Variants in MIDEAS observed in about 807,000 individuals in gnomAD.
MIDEAS encodes the protein mitotic deacetylase associated SANT domain protein.
Under a neutral mutation model 102.7 loss-of-function variants are expected in MIDEAS, and 26 were observed. That is an observed-to-expected ratio of 0.25 (90% confidence interval 0.19 to 0.35). MIDEAS has a LOEUF of 0.35. Among genes scored for constraint, MIDEAS ranks in the 10% least tolerant of loss-of-function variants. The pLI, the probability that MIDEAS is intolerant of heterozygous loss-of-function variation, is 1.00. For synonymous variants in MIDEAS, 585 were observed against 591.0 expected, an observed-to-expected ratio of 0.99 and a Z score of 0.15; for missense variants, 1,231 against 1,435.6, an observed-to-expected ratio of 0.86 and a Z score of 2.30.
At position 73,740,207 on chromosome 14, in the gene MIDEAS, G is replaced by GAA; in HGVS notation, c.-200_-199insTT. 4 of 561,598 alleles carry GAA rather than the reference G, an allele frequency of 7.1e-6. No homozygotes were observed. Among genetic ancestry groups the GAA allele is most frequent in the Non-Finnish European group, 1.1e-5 (4 of 369,172 alleles). The allele number at this position is 561,598 out of a possible 1,614,324, so 34.8% of individuals were successfully genotyped here. On this transcript the variant is annotated 5_prime_UTR_variant, in exon 2 of 13. The change abolishes the stop of an existing upstream ORF in the 5' untranslated region. Transcript: ENST00000423556. ...TCCTTTCTCTTCCAGAGAGGCTCTG[G>GAA]GGCTCAGCTACTCTTCCCAGTTCAT...
At chr14:73,761,528 A>T (rs750125322), upstream of MIDEAS, among the ~76,000 whole-genome samples, 42 of 152,356 alleles carry the variant, frequency 2.8e-4, no homozygotes, top group Middle Eastern at 3.4e-3. Context: ...ATGTCAAAAT[A>T]AGGAACACTT....
intron 11 of MIDEAS, 145 bp downstream of exon 11, chr14:73,721,152 G>T: frequency 1.3e-6 from 1 of 756,274 alleles, no homozygotes; most frequent in Non-Finnish European, 2.2e-6. Flanking sequence ...AGGATTAAAT[G>T]AGTTAACAGC....
In MIDEAS at chr14:73,769,359, G is replaced by A. The variant is rs570789146; in HGVS notation, c.-248+17743C>T. Among the ~76,000 whole-genome samples, 3 of 152,324 alleles carry A rather than the reference G, an allele frequency of 2.0e-5. No homozygotes were observed. The East Asian group carries it at 5.8e-4, about 29-fold the overall frequency. On this transcript the variant is annotated intron_variant, in intron 1 of 11. Coordinates refer to the MIDEAS transcript ENST00000394071. ...GACATGAGCAGGGTTTGACACATGA[G>A]GAAACACATCAGTAAATCATCGAGA... is the stretch of plus-strand genomic sequence containing the variant.
rs1269300272 is a variant in MIDEAS at position 73,718,057 on chromosome 14, A to G, written c.*786T>C. 1 of 152,494 alleles carries G rather than the reference A, an allele frequency of 6.6e-6. No individual in the cohort carries two copies. Among genetic ancestry groups the G allele is most frequent in the Non-Finnish European group, 1.5e-5 (1 of 68,238 alleles). 9.4% of individuals were successfully genotyped at this position (152,494 alleles called of 1,614,324 possible). Reference sequence around the variant, plus strand: ...AAGCAGGAAGAGCCAGGCTTGTCAAAAGCTCTCTCGGGCCTAACCCTGCAG... The same window carrying G: ...AAGCAGGAAGAGCCAGGCTTGTCAAGAGCTCTCTCGGGCCTAACCCTGCAG... On this transcript the variant is annotated 3_prime_UTR_variant, in exon 13 of 13. Coordinates refer to ENST00000423556, the MANE Select transcript of MIDEAS (RefSeq NM_001367710.1).
intron 11 of MIDEAS, among the ~76,000 whole-genome samples, chr14:73,719,800 C>A (rs2052959917): frequency 1.0e-5 from 1 of 99,188 alleles, no homozygotes; most frequent in Admixed American, 1.1e-4. Context: ...GAAGCACCTA[C>A]CTGTTGATGT....
Position 73,725,097 on chromosome 14 carries a change from G to T in MIDEAS, c.2574+175C>A. The T allele has an allele frequency of 1.7e-6, 1 of 598,364 alleles. No individual in the cohort carries two copies. The highest frequency in any genetic ancestry group is 3.0e-6 in the Non-Finnish European group (1 of 330,818). The allele number at this position is 598,364 out of a possible 1,614,324, so 37.1% of individuals were successfully genotyped here. A position where few individuals can be genotyped will look rare whatever the true frequency, so the allele number is the denominator to read the frequency against. On this transcript the variant is annotated intron_variant, in intron 9 of 12. Coordinates refer to ENST00000423556, the MANE Select transcript of MIDEAS (RefSeq NM_001367710.1). The surrounding 1 kb of genome is among the most constrained non-coding windows in gnomAD (Gnocchi z 4.1). ...GAGGAAAGGATGCTTAGAACCAAAA[G>T]GGAAAAGAGACCTATCTTTCTCTTT...
Position 73,718,206 on chromosome 14 carries a change from G to A in MIDEAS, c.*637C>T. 1 of 152,466 alleles carries A rather than the reference G, an allele frequency of 6.6e-6. No homozygotes were observed. Among genetic ancestry groups the A allele is most frequent in the Non-Finnish European group, 1.5e-5 (1 of 68,300 alleles). The allele number at this position is 152,466 out of a possible 1,614,324, so 9.4% of individuals were successfully genotyped here. A position where few individuals can be genotyped will look rare whatever the true frequency, so the allele number is the denominator to read the frequency against. The stretch of plus-strand genomic sequence containing the variant: ...AGCAAGGCCGCCAGCAAGCAGCAAA[G>A]GGAGAGTACCTGCCGCGGCCTCCCT... On this transcript the variant is annotated 3_prime_UTR_variant, in exon 13 of 13. Coordinates refer to ENST00000423556, the MANE Select transcript of MIDEAS (RefSeq NM_001367710.1).
At chr14:73,777,711 C>T (rs2053704241) in intron 1 of MIDEAS, among the ~76,000 whole-genome samples, 1 of 151,976 alleles carries the variant, frequency 6.6e-6, no homozygotes, top group Admixed American at 6.6e-5. Context: ...GCCTCTCATT[C>T]GTTAATTCCA....
chr14:73,719,270 G>A, intron 12 of MIDEAS, 35 bp downstream of exon 12: 4 of 1,143,364 alleles, frequency 3.5e-6, no homozygotes, highest in Non-Finnish European at 4.6e-6. Flanking sequence ...ACCAGCCCGC[G>A]GGGGTCCCAG....
In MIDEAS at chr14:73,725,842, C is replaced by A. The variant is rs2140101326; in HGVS notation, c.2485+191G>T. ...ACCTGCCCACTCCCTTCTCCCCTCC[C>A]CTCCAGGGCACAGGAAACCCCTGGA... On this transcript the variant is annotated intron_variant, in intron 8 of 12. Coordinates refer to ENST00000423556, the MANE Select transcript of MIDEAS (RefSeq NM_001367710.1). The surrounding 1 kb of genome is among the most constrained non-coding windows in gnomAD (Gnocchi z 4.1). 6.6e-6 allele frequency among the ~76,000 whole-genome samples: 1 copy of A among 152,278 alleles called. No homozygotes were observed. The highest frequency in any genetic ancestry group is 2.1e-4 in the South Asian group (1 of 4,822).
intron 3 of MIDEAS, among the ~76,000 whole-genome samples, chr14:73,735,934 G>T (rs1376410923): frequency 6.6e-6 from 1 of 151,920 alleles, no homozygotes; most frequent in Non-Finnish European, 1.5e-5. Flanking sequence ...AGGCGGGCAG[G>T]TCACTTGAGG....
intron 1 of MIDEAS, among the ~76,000 whole-genome samples, chr14:73,745,025 T>A (rs1368297039): frequency 6.6e-6 from 1 of 152,196 alleles, no homozygotes; most frequent in Non-Finnish European, 1.5e-5. Context: ...TGTATCTGCC[T>A]GTCAGGATGC....
At chr14:73,783,206 T>A (rs1057213506) in intron 1 of MIDEAS, among the ~76,000 whole-genome samples, 5 of 152,014 alleles carry the variant, frequency 3.3e-5, no homozygotes, top group African/African-American at 1.2e-4. Context: ...GGACTCAAGG[T>A]TTTCCTCAGC....
intron 11 of MIDEAS, 89 bp downstream of exon 11, chr14:73,721,208 T>A: frequency 8.1e-7 from 1 of 1,233,420 alleles, no homozygotes; most frequent in Non-Finnish European, 1.2e-6. Context: ...ATAATGAGGA[T>A]CACAGTCCTG....
At chr14:73,761,838 T>C (rs1314096121), upstream of MIDEAS, among the ~76,000 whole-genome samples, 2 of 152,158 alleles carry the variant, frequency 1.3e-5, no homozygotes, top group African/African-American at 4.8e-5. Flanking sequence ...GTTAAGTGAA[T>C]TGCACCAGGT....
Position 73,715,681 on chromosome 14 carries a change from A to T in MIDEAS, c.*3162T>A, listed in dbSNP as rs1480439623. 1 of 152,616 alleles carries T rather than the reference A, an allele frequency of 6.6e-6. No individual in the cohort carries two copies. The highest frequency in any genetic ancestry group is 1.5e-5 in the Non-Finnish European group (1 of 68,044). 9.5% of individuals were successfully genotyped at this position (152,616 alleles called of 1,614,324 possible). ...TCTGATAATAAATACCGTCCCAGAA[A>T]AGCGAGCCCCAGTGAAAACAACTAA... is the stretch of plus-strand genomic sequence containing the variant. On this transcript the variant is annotated 3_prime_UTR_variant, in exon 13 of 13. Coordinates refer to ENST00000423556, the MANE Select transcript of MIDEAS (RefSeq NM_001367710.1).
upstream of MIDEAS, among the ~76,000 whole-genome samples, chr14:73,760,466 G>C (rs1367739964): frequency 6.6e-6 from 1 of 152,196 alleles, no homozygotes; most frequent in East Asian, 1.9e-4. This position sits in a 1 kb window ranked among gnomAD's most constrained non-coding sequence, Gnocchi z 4.8. Flanking sequence ...CCCATCCCCC[G>C]CCCAGGCTGG....
intron 11 of MIDEAS, among the ~76,000 whole-genome samples, chr14:73,720,102 A>G (rs2052965527): frequency 6.6e-6 from 1 of 152,048 alleles, no homozygotes; most frequent in African/African-American, 2.4e-5. Context: ...AGTTCACAAA[A>G]GTCAACAGAA....
rs1027676120 is a variant in MIDEAS at position 73,721,727 on chromosome 14, C to T, written c.2725-218G>A. 38 of 543,038 alleles carry T rather than the reference C, an allele frequency of 7.0e-5. No individual in the cohort carries two copies. In the East Asian group the frequency reaches 1.0e-3, roughly 14 times the overall value. 33.6% of individuals were successfully genotyped at this position (543,038 alleles called of 1,614,324 possible). A position where few individuals can be genotyped will look rare whatever the true frequency, so the allele number is the denominator to read the frequency against. On this transcript the variant is annotated intron_variant, in intron 10 of 12. Coordinates refer to ENST00000423556, the MANE Select transcript of MIDEAS (RefSeq NM_001367710.1). Reference sequence around the variant, plus strand: ...AGCCCTGGGAGCACCTGAGAGAGAACGAGGGGCAAGGAGGGTACATACCAG... The same window carrying T: ...AGCCCTGGGAGCACCTGAGAGAGAATGAGGGGCAAGGAGGGTACATACCAG...
Sources: allele counts gnomAD v4.1 joint callset (sites outside exome capture counted in the v4.1 genomes callset), GRCh38; gene constraint gnomAD v4.1.1; non-coding constraint Gnocchi (gnomAD v3.1); transcripts MANE v1.5; gene names NCBI Gene and HGNC (gene_info 2026-07-23, HGNC 2026-07-21).